Variants in COLEC11 observed in about 807,000 individuals in gnomAD.
The protein encoded by COLEC11 is collectin-11.
In COLEC11, 20 loss-of-function variants were observed where a neutral mutation model predicts 27.3. The ratio of observed to expected loss-of-function variants is 0.73; its 90% confidence interval spans 0.51 to 1.06. The LOEUF (loss-of-function observed/expected upper bound fraction) is 1.06, where lower values mean the gene tolerates loss of function less well. COLEC11 is among the 50% of genes least tolerant of loss of function. The pLI, the probability that COLEC11 is intolerant of heterozygous loss-of-function variation, is 0.00. For synonymous variants in COLEC11, 163 were observed against 154.7 expected, an observed-to-expected ratio of 1.05 and a Z score of -0.40; for missense variants, 310 against 383.0, an observed-to-expected ratio of 0.81 and a Z score of 1.59.
intron 2 of COLEC11, among the ~76,000 whole-genome samples, chr2:3,611,237 C>G (rs780637842): frequency 1.3e-5 from 2 of 152,238 alleles, no homozygotes; most frequent in Non-Finnish European, 2.9e-5. Context: ...TAGTGCTGCC[C>G]TGTGAACAAT....
At chr2:3,615,249 C>A (rs1021946205) in intron 3 of COLEC11, among the ~76,000 whole-genome samples, 3 of 152,176 alleles carry the variant, frequency 2.0e-5, no homozygotes, top group African/African-American at 7.2e-5. Flanking sequence ...AACAAGTGAA[C>A]AAGGGTCTCT....
intron 3 of COLEC11, among the ~76,000 whole-genome samples, chr2:3,625,067 T>G (rs1401419229): frequency 6.6e-6 from 1 of 152,202 alleles, no homozygotes; most frequent in Admixed American, 6.5e-5. Flanking sequence ...CTCTTTTCAT[T>G]TCTACCTCTT....
At position 3,636,318 on chromosome 2, in the gene COLEC11, G is replaced by C. The variant is rs183498211; in HGVS notation, c.203-1215G>C. Among the ~76,000 whole-genome samples the C allele has an allele frequency of 5.8e-3, 891 of 152,350 alleles. 12 individuals are homozygous for C. Among genetic ancestry groups the C allele is most frequent in the African/African-American group, 0.021 (862 of 41,578 alleles). ...AAAAATACAAAAATTAGCCTGGCGT[G>C]GTGGCGGATGCCTGTAGTCCCAGCT... On this transcript the variant is annotated intron_variant, in intron 3 of 6. Transcript: ENST00000349077.
At chr2:3,612,987 G>T (rs1663344111) in intron 2 of COLEC11, among the ~76,000 whole-genome samples, 1 of 152,178 alleles carries the variant, frequency 6.6e-6, no homozygotes, top group African/African-American at 2.4e-5. Flanking sequence ...ATTGGTGTTA[G>T]GGTTGGGGAG....
At chr2:3,625,303 G>A (rs1317154163) in intron 3 of COLEC11, among the ~76,000 whole-genome samples, 1 of 152,198 alleles carries the variant, frequency 6.6e-6, no homozygotes, top group African/African-American at 2.4e-5. Context: ...GGTCCCTGCT[G>A]AGGGGTGGGC....
chr2:3,598,751 G>A (rs1469434703), intron 1 of COLEC11, among the ~76,000 whole-genome samples: 14 of 152,058 alleles, frequency 9.2e-5, no homozygotes, highest in African/African-American at 2.9e-4. Flanking sequence ...GAGGCGGGCC[G>A]TGGGTGCGGG....
intron 3 of COLEC11, among the ~76,000 whole-genome samples, chr2:3,621,709 G>C (rs1252698929): frequency 1.3e-5 from 2 of 151,956 alleles, no homozygotes; most frequent in Non-Finnish European, 2.9e-5. Context: ...TATGTACTAG[G>C]TTTTTTATTT....
intron 2 of COLEC11, chr2:3,605,024 G>C (rs1426066583): frequency 4.2e-6 from 2 of 470,696 alleles, no homozygotes; most frequent in Non-Finnish European, 8.8e-6. Flanking sequence ...AGTTCTGCAG[G>C]TGAGGCATGG....
intron 3 of COLEC11, among the ~76,000 whole-genome samples, chr2:3,635,763 C>T (rs1665361813): frequency 6.6e-6 from 1 of 152,240 alleles, no homozygotes; most frequent in African/African-American, 2.4e-5. Context: ...CTCGTCCCTG[C>T]ATCGTCCCCC....
intron 5 of COLEC11, among the ~76,000 whole-genome samples, chr2:3,642,866 C>T (rs1474772988): frequency 6.6e-6 from 1 of 152,166 alleles, no homozygotes; most frequent in Non-Finnish European, 1.5e-5. Context: ...CTCCCTGAGC[C>T]GTCCCTCACG....
chr2:3,637,553 C>T lies in COLEC11; in HGVS notation c.223C>T (p.Gln75Ter). 12 of 1,614,108 alleles carry T rather than the reference C, an allele frequency of 7.4e-6. No individual in the cohort carries two copies. The highest frequency in any genetic ancestry group is 1.0e-5 in the Non-Finnish European group (12 of 1,179,992). The change falls in exon 4 of 7, where the codon CAG becomes TAG. Residue 75 changes from glutamine (Q) to a stop codon, truncating the protein, a stop_gained. Transcript: ENST00000349077. LOFTEE classifies it high-confidence loss of function. ...GEKGDMGDKGQKGSVGRHGKI... is the reference protein window; with the variant it reads ...GEKGDMGDKG ...TACAGGAGACATGGGGGACAAAGGA[C>T]AGAAAGGCAGTGTGGGTCGTCATGG...
chr2:3,622,432 A>G (rs1275660115), intron 3 of COLEC11, among the ~76,000 whole-genome samples: 3 of 152,248 alleles, frequency 2.0e-5, no homozygotes, highest in Non-Finnish European at 4.4e-5. Flanking sequence ...ACACATAACC[A>G]TTACACCATC....
At chr2:3,616,791 G>T (rs1663786205) in intron 3 of COLEC11, among the ~76,000 whole-genome samples, 1 of 151,930 alleles carries the variant, frequency 6.6e-6, no homozygotes, top group African/African-American at 2.4e-5. Flanking sequence ...GGGAGAGGGA[G>T]ACCGTGGGGA....
At chr2:3,610,523 C>T (rs1401144566) in intron 2 of COLEC11, among the ~76,000 whole-genome samples, 1 of 152,196 alleles carries the variant, frequency 6.6e-6, no homozygotes, top group African/African-American at 2.4e-5. Flanking sequence ...CTTCCGCCCT[C>T]ATCTCAGCCA....
intron 4 of COLEC11, 118 bp downstream of exon 4, chr2:3,637,722 G>T: frequency 3.5e-6 from 3 of 852,018 alleles, no homozygotes; most frequent in South Asian, 2.8e-5. Context: ...TATATTCGGT[G>T]CATGGTAGAT....
At chr2:3,609,347 CTTTGATTTTTTTTTTTTT>C (rs1662999320) in intron 2 of COLEC11, among the ~76,000 whole-genome samples, 1 of 71,018 alleles carries the variant, frequency 1.4e-5, no homozygotes, top group Non-Finnish European at 2.7e-5. Flanking sequence ...AACTATTTTT[CTTTGATTTTTTTTTTTTT>C]TTTTTTTTTT....
intron 2 of COLEC11, among the ~76,000 whole-genome samples, chr2:3,609,819 C>A (rs1035365203): frequency 2.6e-5 from 4 of 152,086 alleles, no homozygotes; most frequent in Admixed American, 2.6e-4. Flanking sequence ...TGTGAGCCAC[C>A]ATGCCCAACC....
In COLEC11 at chr2:3,632,062, C is replaced by T. The variant is rs115697114; in HGVS notation, c.203-5471C>T. ...GAGTGAAATCCACGCCATCAGTGTG[C>T]GCTCGCGCTCCTGCTCCTGATGCTC... On this transcript the variant is annotated intron_variant, in intron 3 of 6. Transcript: ENST00000349077. Among the ~76,000 whole-genome samples the T allele has an allele frequency of 1.7e-3, 264 of 152,308 alleles. 2 individuals carry two copies. The highest frequency in any genetic ancestry group is 6.0e-3 in the African/African-American group (249 of 41,568).
chr2:3,612,789 G>T (rs1663320066), intron 2 of COLEC11, among the ~76,000 whole-genome samples: 1 of 152,160 alleles, frequency 6.6e-6, no homozygotes, highest in African/African-American at 2.4e-5. Context: ...TGCCCACCTG[G>T]TCACAGGCAG....
Sources: allele counts gnomAD v4.1 joint callset (sites outside exome capture counted in the v4.1 genomes callset), GRCh38; gene constraint gnomAD v4.1.1; transcripts MANE v1.5; gene names NCBI Gene and HGNC (gene_info 2026-07-23, HGNC 2026-07-21).